Variants in PPFIA3 observed in about 807,000 individuals in gnomAD.
PPFIA3 encodes the protein liprin-alpha-3.
In PPFIA3, 26 loss-of-function variants were observed where a neutral mutation model predicts 145.8. The ratio of observed to expected loss-of-function variants is 0.18; its 90% CI spans 0.13 to 0.25. The LOEUF is 0.25. Among genes scored for constraint, PPFIA3 ranks in the 10% least tolerant of loss-of-function variants. The pLI, the probability that PPFIA3 is intolerant of heterozygous loss-of-function variation, is 1.00. For synonymous variants in PPFIA3, 645 were observed against 661.4 expected (o/e 0.98, Z 0.38); for missense variants, 1,008 against 1,587.8 (o/e 0.63, Z 6.21).
rs2041132343 is a variant in PPFIA3 at position 49,135,921 on chromosome 19, A to T, written c.1663A>T (p.Lys555Ter). The T allele has an allele frequency of 6.2e-7, 1 of 1,609,464 alleles. No homozygotes were observed. Among genetic ancestry groups the T allele is most frequent in the Non-Finnish European group, 8.5e-7 (1 of 1,178,046 alleles). Residue 555 changes from lysine to a stop codon, truncating the protein, a stop_gained and splice_region_variant, in exon 14 of 30, where the codon AAG (lysine) becomes TAG (stop). Transcript: ENST00000334186. LOFTEE classifies it high-confidence loss of function. ...RWSGVKEEPS[K>*]DWERSAPAGS... The stretch of plus-strand genomic sequence containing the variant: ...GTCAGGGGTCAAGGAGGAGCCCTCC[A>T]AGGTCAGCAGCTGCCTCTGGGTCCT...
chr19:49,127,218 C>G (rs541116094), intron 1 of PPFIA3, among the ~76,000 whole-genome samples: 3 of 150,970 alleles, frequency 2.0e-5, no homozygotes, highest in Non-Finnish European at 4.4e-5. Context: ...CTTGTCTCTA[C>G]TAAAAATACA....
At chr19:49,135,945 C>G in intron 14 of PPFIA3, 22 bp downstream of exon 14, 2 of 1,589,150 alleles carry the variant, frequency 1.3e-6, no homozygotes, top group Non-Finnish European at 1.7e-6. Context: ...CCTCTGGGTC[C>G]TGGACTGAGC....
chr19:49,148,572 C>T, intron 24 of PPFIA3, 94 bp from the exon 25 acceptor site: 1 of 1,043,058 alleles, frequency 9.6e-7, no homozygotes, highest in Non-Finnish European at 1.5e-6. Flanking sequence ...CCACCCTTTC[C>T]AAGAAGAGCG....
At chr19:49,140,639 C>CTTTTTTTTTT (rs4002348) in intron 18 of PPFIA3, among the ~76,000 whole-genome samples, 39 of 63,834 alleles carry the variant, frequency 6.1e-4, no homozygotes, top group African/African-American at 2.8e-3. Context: ...ACTCATTTAC[C>CTTTTTTTTTT]TTTTTTTTTT....
intron 1 of PPFIA3, among the ~76,000 whole-genome samples, chr19:49,123,324 C>T (rs1465098895): frequency 5.9e-5 from 9 of 151,520 alleles, no homozygotes; most frequent in Non-Finnish European, 1.2e-4. Context: ...CCACCACGCC[C>T]GGCCTGTTAT....
In PPFIA3 at chr19:49,120,249, A is replaced by T. The variant is rs1308978216; in HGVS notation, c.-16+527A>T. On this transcript the variant is annotated intron_variant, in intron 1 of 29. Transcript: ENST00000334186. The surrounding 1 kb of genome is among the most constrained non-coding windows in gnomAD (Gnocchi z 4.6). ...CCTCCCCCCACCTCCTGCCGCCGCC[A>T]CCAGGGAGGGGGCGCAGGCGGCGCG... Among the ~76,000 whole-genome samples, 1 of 151,568 alleles carries T rather than the reference A, an allele frequency of 6.6e-6. No individual in the cohort carries two copies. The highest frequency in any genetic ancestry group is 2.0e-4 in the East Asian group (1 of 5,112).
At chr19:49,138,544 A>C in intron 16 of PPFIA3, 117 bp downstream of exon 16, 3 of 855,422 alleles carry the variant, frequency 3.5e-6, no homozygotes, top group Non-Finnish European at 4.9e-6. Flanking sequence ...AAGCAACCTC[A>C]GCTTTCCCTA....
chr19:49,145,828 C>A, intron 21 of PPFIA3, 115 bp from the exon 22 acceptor site: 1 of 881,714 alleles, frequency 1.1e-6, no homozygotes, highest in Non-Finnish European at 1.9e-6. Flanking sequence ...ACTGCTTGCC[C>A]CAGAAAGCAG....
In PPFIA3 at chr19:49,133,698, T is replaced by TC. The variant is rs2041103105; in HGVS notation, c.1162-98_1162-97insC. On this transcript the variant is annotated intron_variant, in intron 9 of 29. Transcript: ENST00000334186. This position sits in a 1 kb window ranked among gnomAD's most constrained non-coding sequence, Gnocchi z 7.2. ...GGTGCAGGGGAGGAGCCTGGCGCTG[T>TC]GGGGGCGGAGCCTGGCGCTCAGCCT... 1.5e-6 allele frequency: 2 copies of TC among 1,295,226 alleles called. No individual in the cohort carries two copies. The highest frequency in any genetic ancestry group is 4.8e-5 in the East Asian group (2 of 41,576). The allele number at this position is 1,295,226 out of a possible 1,614,324, so 80.2% of individuals were successfully genotyped here.
In PPFIA3 at chr19:49,129,412, C is replaced by G; in HGVS notation, c.540C>G (p.Arg180=). Residue 180 remains arginine (R), a synonymous_variant, in exon 5 of 30, where the codon CGC becomes CGG. Transcript: ENST00000334186. ...VRERLRMALE[R]VAVLEEELEL... is the part of the protein sequence containing the mutation. ...AGCGGCTGCGGATGGCGCTGGAGCG[C>G]GTGGCAGTGCTCGAGGAGGAGCTGG... The G allele has an allele frequency of 6.4e-7, 1 of 1,551,868 alleles. No homozygotes were observed.
rs375413001 is a variant in PPFIA3 at position 49,149,372 on chromosome 19, G to C, written c.3354+47G>C. The C allele has an allele frequency of 8.1e-6, 13 of 1,608,298 alleles. No individual in the cohort carries two copies. Among genetic ancestry groups the C allele is most frequent in the East Asian group, 2.2e-5 (1 of 44,848 alleles). On this transcript the variant is annotated intron_variant, in intron 27 of 29. Transcript: ENST00000334186. This position sits in a 1 kb window ranked among gnomAD's most constrained non-coding sequence, Gnocchi z 5.7. ...AGGGCTCTGCTCCCAGCGGCTCCTCGAGAGGCTGAGCTGAGGGGGCGGGGC... is the reference window on the plus strand; with the variant it reads ...AGGGCTCTGCTCCCAGCGGCTCCTCCAGAGGCTGAGCTGAGGGGGCGGGGC...
chr19:49,142,581 G>GC (rs1274008100), intron 20 of PPFIA3, among the ~76,000 whole-genome samples: 2 of 34,644 alleles, frequency 5.8e-5, no homozygotes, highest in African/African-American at 1.2e-4. Flanking sequence ...TCCCCCACCC[G>GC]CCCCCCGCCC....
chr19:49,121,785 A>AT (rs1392505211), intron 1 of PPFIA3, among the ~76,000 whole-genome samples: 1 of 151,572 alleles, frequency 6.6e-6, no homozygotes, highest in East Asian at 1.9e-4. Flanking sequence ...TCAAAAAAAA[A>AT]TTTTATTTAT....
At position 49,129,382 on chromosome 19, in the gene PPFIA3, C is replaced by T; in HGVS notation, c.510C>T (p.Val170=). 1.9e-6 allele frequency: 3 copies of T among 1,550,080 alleles called. No individual in the cohort carries two copies. The highest frequency in any genetic ancestry group is 2.6e-6 in the Non-Finnish European group (3 of 1,147,082). ...TGTTGCCCTGCCCCGATCCCCAGGT[C>T]CGGGAGCGGCTGCGGATGGCGCTGG... is the stretch of plus-strand genomic sequence containing the variant. ...FEHHKALDEK[V]RERLRMALER... is the part of the protein sequence containing the mutation. Residue 170 remains valine, a splice_region_variant and synonymous_variant, in exon 5 of 30, where the codon GTC becomes GTT. Transcript: ENST00000334186.
In PPFIA3 at chr19:49,128,454, C is replaced by A. The variant is rs939697561; in HGVS notation, c.328C>A (p.Arg110=). The change falls in exon 3 of 30, where the codon CGG becomes AGG. Residue 110 remains arginine (R), a synonymous_variant. Coordinates refer to ENST00000334186, the MANE Select transcript of PPFIA3 (RefSeq NM_003660.4). The surrounding 1 kb of genome is among the most constrained non-coding windows in gnomAD (Gnocchi z 4.1). ...EEEIAELKAE[R]NNTRLLLEHL... ...AGAGATTGCAGAGCTGAAGGCGGAACGGAACAACACGCGGGTGAGGGGTGT... is the reference window on the plus strand; with the variant it reads ...AGAGATTGCAGAGCTGAAGGCGGAAAGGAACAACACGCGGGTGAGGGGTGT... 2 of 1,552,574 alleles carry A rather than the reference C, an allele frequency of 1.3e-6. No homozygotes were observed. Among genetic ancestry groups the A allele is most frequent in the East Asian group, 4.9e-5 (2 of 41,232 alleles).
At chr19:49,122,079 T>A (rs1397399393) in intron 1 of PPFIA3, among the ~76,000 whole-genome samples, 1 of 43,736 alleles carries the variant, frequency 2.3e-5, no homozygotes, top group Non-Finnish European at 5.5e-5. Context: ...CAGATGCCAA[T>A]TTTTTTTTTT....
In PPFIA3 at chr19:49,134,849, C is replaced by A. The variant is rs1398409214; in HGVS notation, c.1454C>A (p.Ala485Asp). 1 of 1,597,860 alleles carries A rather than the reference C, an allele frequency of 6.3e-7. No homozygotes were observed. Among genetic ancestry groups the A allele is most frequent in the Admixed American group, 1.7e-5 (1 of 58,840 alleles). ...ELLLNKEQLL[A>D]EMERMQMEID... ...ACCGGCCCCCAGGAGCAGCTCTTGGCCGAAATGGAGCGGATGCAGATGGAG... is the reference window on the plus strand; with the variant it reads ...ACCGGCCCCCAGGAGCAGCTCTTGGACGAAATGGAGCGGATGCAGATGGAG... Residue 485 changes from alanine to aspartate, a missense_variant, in exon 13 of 30, where the codon GCC (alanine) becomes GAC (aspartate). Physicochemically the swap from Ala to Asp is moderately radical, Grantham distance 126. Transcript: ENST00000334186.
intron 7 of PPFIA3, among the ~76,000 whole-genome samples, chr19:49,132,583 C>A (rs1333292092): frequency 6.6e-6 from 1 of 151,952 alleles, no homozygotes; most frequent in Admixed American, 6.6e-5. Context: ...ACCCTGGTAG[C>A]TCTTGAGAGG....
chr19:49,120,501 C>T lies in PPFIA3; in HGVS notation c.-16+779C>T, dbSNP rs934338060. Among the ~76,000 whole-genome samples the T allele has an allele frequency of 6.6e-6, 1 of 152,170 alleles. No individual in the cohort carries two copies. Among genetic ancestry groups the T allele is most frequent in the Non-Finnish European group, 1.5e-5 (1 of 68,004 alleles). On this transcript the variant is annotated intron_variant, in intron 1 of 29. Coordinates refer to ENST00000334186, the MANE Select transcript of PPFIA3 (RefSeq NM_003660.4). This position sits in a 1 kb window ranked among gnomAD's most constrained non-coding sequence, Gnocchi z 4.6. ...GCAGCTCCCACCCCGTTCGGGAAGC[C>T]TGTCCGTGTCTACACCTCTGCTGGC...
Sources: allele counts gnomAD v4.1 joint callset (sites outside exome capture counted in the v4.1 genomes callset), GRCh38; gene constraint gnomAD v4.1.1; non-coding constraint Gnocchi (gnomAD v3.1); transcripts MANE v1.5; gene names NCBI Gene and HGNC (gene_info 2026-07-23, HGNC 2026-07-21).